The following SDR42E2 variants were observed in gnomAD, a reference collection of about 807,000 sequenced individuals.
SDR42E2 encodes putative short-chain dehydrogenase/reductase family 42E member 2.
A neutral mutation model predicts 10.5 loss-of-function variants in SDR42E2; 20 were observed. That is an observed-to-expected ratio of 1.90 (90% CI 1.34 to 2.77). SDR42E2 has a LOEUF of 2.77. Among genes scored for constraint, SDR42E2 ranks in the 30% most tolerant of loss-of-function variants. The pLI is 0.00. For synonymous variants in SDR42E2, 72 were observed against 39.2 expected, an observed-to-expected ratio of 1.84 and a Z score of -3.12; for missense variants, 162 against 104.2, an observed-to-expected ratio of 1.55 and a Z score of -2.42.
chr16:22,165,844 G>A (rs2046530856), intron 2 of SDR42E2, among the ~76,000 whole-genome samples: 1 of 152,174 alleles, frequency 6.6e-6, no homozygotes, highest in Non-Finnish European at 1.5e-5. Context: ...TCTAGGGCCT[G>A]GGCCAGGAGC....
In SDR42E2 at chr16:22,172,943, G is replaced by A. The variant is rs1272168574; in HGVS notation, c.589+612G>A. Among the ~76,000 whole-genome samples the A allele has an allele frequency of 2.0e-5, 3 of 152,052 alleles. No individual in the cohort carries two copies. The East Asian group carries it at 5.8e-4, about 29-fold the overall frequency. On this transcript the variant is annotated intron_variant, in intron 7 of 12. Transcript: ENST00000602312. The stretch of plus-strand genomic sequence containing the variant: ...CTGCAGGTGTGTGCCACCATTCCAG[G>A]CTTATTTTAAATTTTTTTGTAGAGA...
At chr16:22,181,780 C>T in intron 9 of SDR42E2, 124 bp downstream of exon 9, 1 of 622,288 alleles carries the variant, frequency 1.6e-6, no homozygotes, top group Non-Finnish European at 2.9e-6. Flanking sequence ...TGGTGGGACT[C>T]TCAGCCCAGG....
intron 4 of SDR42E2, among the ~76,000 whole-genome samples, chr16:22,168,414 C>T (rs1039710531): frequency 5.9e-5 from 9 of 151,856 alleles, no homozygotes; most frequent in Admixed American, 3.9e-4. Flanking sequence ...TACAGTTGCA[C>T]GCCACCACAC....
At chr16:22,173,504 G>C (rs1383875363) in intron 7 of SDR42E2, among the ~76,000 whole-genome samples, 1 of 151,910 alleles carries the variant, frequency 6.6e-6, no homozygotes. Context: ...ATAGGCATGG[G>C]AGTCTGTGAG....
At position 22,182,201 on chromosome 16, in the gene SDR42E2, G is replaced by A. The variant is rs2046701031; in HGVS notation, c.811-11G>A. The A allele has an allele frequency of 2.5e-6, 1 of 405,242 alleles. No individual in the cohort carries two copies. The highest frequency in any genetic ancestry group is 4.4e-6 in the Non-Finnish European group (1 of 229,168). 25.1% of individuals were successfully genotyped at this position (405,242 alleles called of 1,614,324 possible). On this transcript the variant is annotated splice_polypyrimidine_tract_variant and intron_variant, in intron 9 of 12. Coordinates refer to ENST00000602312, the MANE Select transcript of SDR42E2 (RefSeq NM_001394319.2). ...GAAGGCTGACCGTCCCCTCCCACAT[G>A]TCCCCTTCAGAGTGGGCAGGCGTAC...
rs118108464 is a variant in SDR42E2 at position 22,168,251 on chromosome 16, A to C, written c.337-1194A>C. Among the ~76,000 whole-genome samples the C allele has an allele frequency of 8.5e-3, 1,293 of 151,568 alleles. 4 individuals are homozygous for C. Among genetic ancestry groups the C allele is most frequent in the Non-Finnish European group, 0.014 (952 of 67,892 alleles). On this transcript the variant is annotated intron_variant, in intron 4 of 12. Transcript: ENST00000602312. ...TCTCTATTTAAAAATAATAAAAGTA[A>C]ATTTTATTATTTTTATTTATTTATT...
chr16:22,182,447 A>C (rs940700371), intron 10 of SDR42E2, among the ~76,000 whole-genome samples, 170 bp downstream of exon 10: 1 of 152,004 alleles, frequency 6.6e-6, no homozygotes, highest in African/African-American at 2.4e-5. Flanking sequence ...CCCAGGTTCA[A>C]GCAATTCTCA....
rs149501031 is a variant in SDR42E2 at position 22,166,362 on chromosome 16, C to T, written c.168C>T (p.Ser56=). ...GFSLGSHLAK[S]GTSVILLDRR... is the part of the protein sequence containing the mutation. The stretch of plus-strand genomic sequence containing the variant: ...GCCTGGGATCCCACCTAGCCAAGAG[C>T]GGCACTTCCGTCATTCTGCTTGACC... The change falls in exon 3 of 13, where the codon AGC becomes AGT. Residue 56 remains serine (S), a synonymous_variant. Coordinates refer to ENST00000602312, the MANE Select transcript of SDR42E2 (RefSeq NM_001394319.2). 8.4e-4 allele frequency: 338 copies of T among 402,518 alleles called. 2 individuals carry two copies. The highest frequency in any genetic ancestry group is 1.1e-3 in the Non-Finnish European group (239 of 227,218). The allele number at this position is 402,518 out of a possible 1,614,324, so 24.9% of individuals were successfully genotyped here.
At position 22,173,905 on chromosome 16, in the gene SDR42E2, G is replaced by GTATATATATATATATATA. The variant is rs770541596; in HGVS notation, c.589+1581_589+1598dup. Among the ~76,000 whole-genome samples, 39 of 114,970 alleles carry GTATATATATATATATATA rather than the reference G, an allele frequency of 3.4e-4. No homozygotes were observed. The East Asian group carries it at 3.4e-3, about 10-fold the overall frequency. 75.4% of individuals were successfully genotyped at this position (114,970 alleles called of 152,430 possible). Reference sequence around the variant, plus strand: ...GGGCTACGTATATATATGTGTGTGTGTATATATATATATATATATATATAG... The same window carrying GTATATATATATATATATA: ...GGGCTACGTATATATATGTGTGTGTGTATATATATATATATATATATATATATATATATATATATATAG... On this transcript the variant is annotated intron_variant, in intron 7 of 12. Transcript: ENST00000602312.
intron 7 of SDR42E2, among the ~76,000 whole-genome samples, chr16:22,177,781 C>T (rs1190203250): frequency 1.3e-5 from 2 of 152,072 alleles, no homozygotes; most frequent in Admixed American, 6.6e-5. Flanking sequence ...ATCACTCTGC[C>T]GAGTGCTTGG....
intron 7 of SDR42E2, among the ~76,000 whole-genome samples, chr16:22,172,888 C>A (rs1023875749): frequency 1.3e-5 from 2 of 152,204 alleles, no homozygotes; most frequent in Non-Finnish European, 2.9e-5. Context: ...TTAAGTAATC[C>A]TCCTGCCTCA....
At chr16:22,181,389 G>C in intron 8 of SDR42E2, 130 bp from the exon 9 acceptor site, 2 of 644,972 alleles carry the variant, frequency 3.1e-6, no homozygotes, top group Non-Finnish European at 5.6e-6. Context: ...TATTCAGAGA[G>C]CATTGGATAC....
chr16:22,172,461 C>T, intron 7 of SDR42E2, 130 bp downstream of exon 7: 1 of 666,220 alleles, frequency 1.5e-6, no homozygotes, highest in South Asian at 1.6e-5. Context: ...TTCCCAGGGC[C>T]TTGCCCATTC....
At chr16:22,167,174 T>G (rs866223694) in intron 4 of SDR42E2, among the ~76,000 whole-genome samples, 175 bp downstream of exon 4, 3,464 of 91,928 alleles carry the variant, frequency 0.038, 346 homozygotes, top group African/African-American at 0.072. Flanking sequence ...CATTTTTTTT[T>G]TTTTTTTTTT....
Position 22,164,877 on chromosome 16 carries a change from G to A in SDR42E2, c.-36-670G>A, listed in dbSNP as rs570176481. On this transcript the variant is annotated intron_variant, in intron 1 of 12. Coordinates refer to ENST00000602312, the MANE Select transcript of SDR42E2 (RefSeq NM_001394319.2). ...CACCTCCCAGTCTGGTGAGGTTCCC[G>A]CTGGATGATTTGCCCTGTCTTCCTT... is the stretch of plus-strand genomic sequence containing the variant. Among the ~76,000 whole-genome samples, 10 of 152,256 alleles carry A rather than the reference G, an allele frequency of 6.6e-5. No individual in the cohort carries two copies. In the South Asian group the frequency reaches 1.4e-3, roughly 22 times the overall value.
At chr16:22,175,223 GC>G (rs2046634654) in intron 7 of SDR42E2, among the ~76,000 whole-genome samples, 1 of 152,060 alleles carries the variant, frequency 6.6e-6, no homozygotes, top group East Asian at 1.9e-4. Context: ...ACTTTGTGAG[GC>G]CAAGACGGGA....
intron 4 of SDR42E2, among the ~76,000 whole-genome samples, chr16:22,167,386 T>C (rs1030940715): frequency 2.6e-5 from 4 of 151,934 alleles, no homozygotes; most frequent in South Asian, 4.2e-4. Context: ...GGTTTCACCA[T>C]GTTGGCCAGG....
At chr16:22,189,498 T>C (rs2046756151) in intron 12 of SDR42E2, among the ~76,000 whole-genome samples, 1 of 152,178 alleles carries the variant, frequency 6.6e-6, no homozygotes, top group African/African-American at 2.4e-5. Flanking sequence ...CCAGGCCAAA[T>C]GCAGGGTGTG....
At chr16:22,168,760 C>T (rs1006783603) in intron 4 of SDR42E2, among the ~76,000 whole-genome samples, 1 of 152,054 alleles carries the variant, frequency 6.6e-6, no homozygotes, top group African/African-American at 2.4e-5. Context: ...GTAATCCCAG[C>T]TACTTGGGAG....
Sources: allele counts gnomAD v4.1 joint callset (sites outside exome capture counted in the v4.1 genomes callset), GRCh38; gene constraint gnomAD v4.1.1; transcripts MANE v1.5; gene names NCBI Gene and HGNC (gene_info 2026-07-23, HGNC 2026-07-21).